The following CD70 variants were observed in gnomAD, a reference collection of about 807,000 sequenced individuals.
CD70 encodes CD70 antigen.
A neutral mutation model predicts 9.0 loss-of-function variants in CD70; 6 were observed. That is an observed-to-expected ratio of 0.67 (90% CI 0.37 to 1.32). The LOEUF is 1.32. Among genes scored for constraint, CD70 ranks in the 40% most tolerant of loss-of-function variants. The probability of loss-of-function intolerance (pLI) is 0.02; values close to 1 mark genes in which losing one functional copy is unlikely to be tolerated. For synonymous variants in CD70, 108 were observed against 112.3 expected (o/e 0.96, Z 0.24); for missense variants, 235 against 258.7 (o/e 0.91, Z 0.63).
At chr19:6,585,141 C>T (rs1915989504), downstream of CD70, among the ~76,000 whole-genome samples, 1 of 151,858 alleles carries the variant, frequency 6.6e-6, no homozygotes, top group Non-Finnish European at 1.5e-5. Flanking sequence ...CGCCCTGGAC[C>T]ACGCTTGGCT....
chr19:6,590,884 C>A lies in CD70; in HGVS notation c.119G>T (p.Arg40Leu). 6.2e-7 allele frequency: 1 copy of A among 1,614,060 alleles called. No homozygotes were observed. The highest frequency in any genetic ancestry group is 8.5e-7 in the Non-Finnish European group (1 of 1,179,984). ...LVICLVVCIQ[R>L]FAQAQQQLPL... ...CAGCTGCTGCTGAGCCTGTGCGAAG[C>A]GCTGGATGCACACCACGAGGCAGAT... Residue 40 changes from arginine (R) to leucine (L), a missense_variant, in exon 1 of 3, where the codon CGC becomes CTC. By Grantham distance (102) the Arg-to-Leu change is moderately radical. Coordinates refer to ENST00000245903, the MANE Select transcript of CD70 (RefSeq NM_001252.5). The surrounding 1 kb of genome is among the most constrained non-coding windows in gnomAD (Gnocchi z 5.3).
At position 6,590,894 on chromosome 19, in the gene CD70, A is replaced by C. The variant is rs767072737; in HGVS notation, c.109T>G (p.Cys37Gly). 3 of 1,613,992 alleles carry C rather than the reference A, an allele frequency of 1.9e-6. No homozygotes were observed. Among genetic ancestry groups the C allele is most frequent in the Non-Finnish European group, 2.5e-6 (3 of 1,180,016 alleles). ...TGAGCCTGTGCGAAGCGCTGGATGC[A>C]CACCACGAGGCAGATCACCAAGCCC... ...VAGLVICLVVCIQRFAQAQQQ... is the reference protein window; with the variant it reads ...VAGLVICLVVGIQRFAQAQQQ... Residue 37 changes from cysteine to glycine, a missense_variant, in exon 1 of 3, where the codon TGC becomes GGC. Physicochemically the swap from Cys to Gly is radical, Grantham distance 159. Coordinates refer to ENST00000245903, the MANE Select transcript of CD70 (RefSeq NM_001252.5). The surrounding 1 kb of genome is among the most constrained non-coding windows in gnomAD (Gnocchi z 5.3).
At chr19:6,583,313 C>T, downstream of CD70, 1 of 698,664 alleles carries the variant, frequency 1.4e-6, no homozygotes. Flanking sequence ...ACGGTTTACG[C>T]CTCTGTTTTC....
At chr19:6,584,725 G>A (rs1312955554), downstream of CD70, among the ~76,000 whole-genome samples, 1 of 146,014 alleles carries the variant, frequency 6.8e-6, no homozygotes, top group African/African-American at 2.5e-5. Flanking sequence ...AAATAGCCGG[G>A]TGTGGTGGCC....
In CD70 at chr19:6,591,097, G is replaced by A. The variant is rs759493942; in HGVS notation, c.-95C>T. On this transcript the variant is annotated 5_prime_UTR_variant, in exon 1 of 3. Transcript: ENST00000245903. ...AAGGAAACTGCAGCCCCCTCCCGGG[G>A]CTCCTGGGCGTCTACTTGCTTCAAC... The A allele has an allele frequency of 3.7e-6, 5 of 1,338,192 alleles. No individual in the cohort carries two copies. The East Asian group carries it at 1.0e-4, about 28-fold the overall frequency. 82.9% of individuals were successfully genotyped at this position (1,338,192 alleles called of 1,614,324 possible).
Position 6,590,944 on chromosome 19 carries a change from C to T in CD70, c.59G>A (p.Arg20Gln), listed in dbSNP as rs749269246. ...VRRRPYGCVLRAALVPLVAGL... is the reference protein window; with the variant it reads ...VRRRPYGCVLQAALVPLVAGL... ...CGCGACCAATGGGACCAAAGCAGCCCGCAGGACGCACCCATAGGGCCTGCG... is the reference window on the plus strand; with the variant it reads ...CGCGACCAATGGGACCAAAGCAGCCTGCAGGACGCACCCATAGGGCCTGCG... Residue 20 changes from arginine to glutamine, a missense_variant, in exon 1 of 3, where the codon CGG becomes CAG. Physicochemically the swap from Arg to Gln is conservative, Grantham distance 43. Transcript: ENST00000245903. This position sits in a 1 kb window ranked among gnomAD's most constrained non-coding sequence, Gnocchi z 5.3. 4 of 1,613,990 alleles carry T rather than the reference C, an allele frequency of 2.5e-6. No individual in the cohort carries two copies. The South Asian group carries it at 4.4e-5, about 18-fold the overall frequency.
chr19:6,586,368 GC>G lies in CD70; in HGVS notation c.233del (p.Gly78AlafsTer33). On this transcript the variant is annotated frameshift_variant, in exon 3 of 3. Coordinates refer to ENST00000245903, the MANE Select transcript of CD70 (RefSeq NM_001252.5). LOFTEE classifies it low-confidence loss of function (END_TRUNC). ...QQDPRLYWQG[G>X]PALGRSFLHG... ...GCAGGAAGGAGCGGCCCAGTGCTGG[GC>G]CCCCCTGCCAGTATAGCCTGGGGTC... 1.2e-5 allele frequency: 19 copies of G among 1,610,980 alleles called. No individual in the cohort carries two copies. Among genetic ancestry groups the G allele is most frequent in the East Asian group, 2.2e-5 (1 of 44,844 alleles).
downstream of CD70, chr19:6,583,531 C>A: frequency 2.0e-6 from 1 of 501,298 alleles, no homozygotes; most frequent in Non-Finnish European, 3.6e-6. Context: ...CTGACCTGAA[C>A]TAACTTTTTG....
chr19:6,583,406 C>T (rs1310571603), downstream of CD70: 1 of 701,830 alleles, frequency 1.4e-6, no homozygotes. Context: ...TGGGATAAAA[C>T]AGTGTGCAGT....
rs534986987 is a variant in CD70 at position 6,590,254 on chromosome 19, G to A, written c.163-118C>T. The A allele has an allele frequency of 7.1e-5, 54 of 761,566 alleles. No homozygotes were observed. In the African/African-American group the frequency reaches 9.1e-4, roughly 13 times the overall value. 47.2% of individuals were successfully genotyped at this position (761,566 alleles called of 1,614,324 possible). On this transcript the variant is annotated intron_variant, in intron 1 of 2. Coordinates refer to ENST00000245903, the MANE Select transcript of CD70 (RefSeq NM_001252.5). The surrounding 1 kb of genome is among the most constrained non-coding windows in gnomAD (Gnocchi z 5.3). ...TCCTTTCCACCTCTCATCCCACGGC[G>A]CGCACTGGTGATTTTATTTCATTTT...
rs747409488 is a variant in CD70 at position 6,586,154 on chromosome 19, C to A, written c.448G>T (p.Gly150Cys). The change falls in exon 3 of 3, where the codon GGT (glycine) becomes TGT (cysteine). Residue 150 changes from glycine to cysteine, a missense_variant. Coordinates refer to ENST00000245903, the MANE Select transcript of CD70 (RefSeq NM_001252.5). ...AGGCGCTGGGAGGCAATGGTACAAC[C>A]TTGGTGGAAGCTGAGACGCAGCAGG... ...ISLLRLSFHQ[G>C]CTIASQRLTP... is the part of the protein sequence containing the mutation. 2 of 1,614,090 alleles carry A rather than the reference C, an allele frequency of 1.2e-6. No individual in the cohort carries two copies. The highest frequency in any genetic ancestry group is 1.7e-6 in the Non-Finnish European group (2 of 1,180,022).
At chr19:6,582,640 T>C (rs1362335568), downstream of CD70, among the ~76,000 whole-genome samples, 2 of 152,082 alleles carry the variant, frequency 1.3e-5, no homozygotes, top group South Asian at 2.1e-4. Context: ...TGCAATAGTT[T>C]GCTCAGAATG....
chr19:6,585,816 A>C, downstream of CD70: 1 of 514,656 alleles, frequency 1.9e-6, no homozygotes, highest in Non-Finnish European at 3.4e-6. Flanking sequence ...CTGGGATTAC[A>C]GATGCACGCC....
In CD70 at chr19:6,591,072, A is replaced by G; in HGVS notation, c.-70T>C. ...CGCGGAGCGCTGCCGAGAAGGAAGG[A>G]AGGAAACTGCAGCCCCCTCCCGGGG... On this transcript the variant is annotated 5_prime_UTR_variant, in exon 1 of 3. Transcript: ENST00000245903. 6.7e-7 allele frequency: 1 copy of G among 1,492,988 alleles called. No homozygotes were observed. The highest frequency in any genetic ancestry group is 8.9e-7 in the Non-Finnish European group (1 of 1,119,620). The allele number at this position is 1,492,988 out of a possible 1,614,324, so 92.5% of individuals were successfully genotyped here.
downstream of CD70, among the ~76,000 whole-genome samples, chr19:6,585,619 G>A (rs891331127): frequency 6.6e-6 from 1 of 152,122 alleles, no homozygotes; most frequent in African/African-American, 2.4e-5. Flanking sequence ...TGGGATTACA[G>A]GCATGAGCCA....
downstream of CD70, among the ~76,000 whole-genome samples, chr19:6,582,805 A>G (rs1006467519): frequency 2.0e-5 from 3 of 152,120 alleles, no homozygotes; most frequent in Admixed American, 2.0e-4. Flanking sequence ...GCTATTGTGA[A>G]TAGTCAGGCA....
Position 6,590,202 on chromosome 19 carries a change from C to T in CD70, c.163-66G>A. On this transcript the variant is annotated intron_variant, in intron 1 of 2. Transcript: ENST00000245903. This position sits in a 1 kb window ranked among gnomAD's most constrained non-coding sequence, Gnocchi z 5.3. ...GAGAGGTTCTATGTGTCCCCTGTGC[C>T]AGGAGCTCTCTTTTCTCTGTCCATC... 7.8e-7 allele frequency: 1 copy of T among 1,287,384 alleles called. No individual in the cohort carries two copies. The highest frequency in any genetic ancestry group is 1.1e-6 in the Non-Finnish European group (1 of 881,536). The allele number at this position is 1,287,384 out of a possible 1,614,324, so 79.7% of individuals were successfully genotyped here.
In CD70 at chr19:6,589,177, T is replaced by C. The variant is rs1916092931; in HGVS notation, c.196+926A>G. ...GATCTCTTTCTCCCCCGCCCTGTTTTTCTTCTTCCCCCTCTCTGTCTCTGT... is the reference window on the plus strand; with the variant it reads ...GATCTCTTTCTCCCCCGCCCTGTTTCTCTTCTTCCCCCTCTCTGTCTCTGT... On this transcript the variant is annotated intron_variant, in intron 2 of 2. Transcript: ENST00000245903. Among the ~76,000 whole-genome samples the C allele has an allele frequency of 2.0e-5, 3 of 149,668 alleles. No homozygotes were observed. The South Asian group carries it at 6.7e-4, about 33-fold the overall frequency.
intron 2 of CD70, 130 bp downstream of exon 2, chr19:6,589,973 C>T (rs1327242152): frequency 5.9e-6 from 4 of 677,452 alleles, no homozygotes; most frequent in South Asian, 3.4e-5. Context: ...CCCTATCTCT[C>T]CCTCCCTCTC....
Sources: allele counts gnomAD v4.1 joint callset (sites outside exome capture counted in the v4.1 genomes callset), GRCh38; gene constraint gnomAD v4.1.1; non-coding constraint Gnocchi (gnomAD v3.1); transcripts MANE v1.5; gene names NCBI Gene and HGNC (gene_info 2026-07-23, HGNC 2026-07-21).